Variants in KLHL20 observed in about 807,000 individuals in gnomAD.
KLHL20 encodes kelch like family member 20.
KLHL20 carries 29 observed loss-of-function variants against 69.5 expected under a neutral mutation model. That is an observed-to-expected ratio of 0.42 (90% CI 0.31 to 0.57). The LOEUF is 0.57. KLHL20 is among the 20% of genes least tolerant of loss of function. The probability of loss-of-function intolerance (pLI) is 0.18; values close to 1 mark genes in which losing one functional copy is unlikely to be tolerated. For synonymous variants in KLHL20, 253 were observed against 265.2 expected (o/e 0.95, Z 0.45); for missense variants, 419 against 776.0 (o/e 0.54, Z 5.47).
At chr1:173,733,677 C>A in intron 2 of KLHL20, 36 bp from the exon 3 acceptor site, 1 of 1,432,276 alleles carries the variant, frequency 7.0e-7, no homozygotes, top group Non-Finnish European at 9.6e-7. Flanking sequence ...TATAATAATA[C>A]TGCCATCTTC....
chr1:173,755,128 G>A (rs1397625333), intron 5 of KLHL20, among the ~76,000 whole-genome samples: 1 of 147,132 alleles, frequency 6.8e-6, no homozygotes, highest in African/African-American at 2.5e-5. Flanking sequence ...GTGCAATCTC[G>A]ACTCACTGCA....
rs570568199 is a variant in KLHL20 at position 173,757,117 on chromosome 1, T to C, written c.1109T>C (p.Val370Ala). 2 of 1,613,562 alleles carry C rather than the reference T, an allele frequency of 1.2e-6. No homozygotes were observed. The highest frequency in any genetic ancestry group is 1.7e-6 in the Non-Finnish European group (2 of 1,179,656). ...GTTCTTGATGATCTGTTATATGCAG[T>C]AGGAGGCCATGATGGATCCTCTTAT... The part of the protein sequence containing the change: ...VSVLDDLLYA[V>A]GGHDGSSYLN... Residue 370 changes from valine (V) to alanine (A), a missense_variant, in exon 7 of 12, where the codon GTA becomes GCA. Transcript: ENST00000209884.
At chr1:173,758,922 C>T (rs1329527829) in intron 7 of KLHL20, among the ~76,000 whole-genome samples, 2 of 152,186 alleles carry the variant, frequency 1.3e-5, no homozygotes, top group African/African-American at 4.8e-5. Flanking sequence ...ACTTCACCGG[C>T]AGGGGGAAAA....
chr1:173,782,201 A>C lies in KLHL20; in HGVS notation c.1716A>C (p.Glu572Asp). The C allele has an allele frequency of 1.2e-6, 2 of 1,614,012 alleles. No individual in the cohort carries two copies. Among genetic ancestry groups the C allele is most frequent in the East Asian group, 4.5e-5 (2 of 44,868 alleles). Residue 572 changes from glutamate to aspartate, a missense_variant, in exon 11 of 12, where the codon GAA becomes GAC. Transcript: ENST00000209884. ...GCACAACATACTTGAAGACCATAGA[A>C]GTTTTTGATCCTGATGCCAATACAT... Reference protein sequence around the residue: ...FDGTTYLKTIEVFDPDANTWR... With the variant: ...FDGTTYLKTIDVFDPDANTWR...
At chr1:173,779,034 T>G (rs911485342) in intron 10 of KLHL20, among the ~76,000 whole-genome samples, 2 of 152,148 alleles carry the variant, frequency 1.3e-5, no homozygotes, top group East Asian at 3.8e-4. Flanking sequence ...TGCATTGTTA[T>G]GTTATTTGAA....
intron 2 of KLHL20, among the ~76,000 whole-genome samples, chr1:173,728,012 C>T (rs1304065551): frequency 1.3e-5 from 2 of 152,130 alleles, no homozygotes; most frequent in Admixed American, 6.6e-5. Flanking sequence ...ACCCATCTCA[C>T]GTGCAGAGAC....
At chr1:173,719,501 C>T (rs1184913717) in intron 2 of KLHL20, among the ~76,000 whole-genome samples, 1 of 152,012 alleles carries the variant, frequency 6.6e-6, no homozygotes, top group Non-Finnish European at 1.5e-5. Context: ...GTCCCAGCTA[C>T]AGTGCCAGTC....
chr1:173,776,458 G>A (rs772473578), intron 10 of KLHL20, among the ~76,000 whole-genome samples: 6 of 151,948 alleles, frequency 3.9e-5, no homozygotes, highest in Non-Finnish European at 7.4e-5. Context: ...TTCTTTGGTT[G>A]CCTGTGCTTG....
chr1:173,766,079 G>C, intron 7 of KLHL20, 67 bp from the exon 8 acceptor site: 1 of 1,245,690 alleles, frequency 8.0e-7, no homozygotes, highest in Non-Finnish European at 1.1e-6. Flanking sequence ...CATGGATTTA[G>C]AATATGTAAA....
At chr1:173,756,835 T>G in intron 6 of KLHL20, 141 bp from the exon 7 acceptor site, 1 of 637,442 alleles carries the variant, frequency 1.6e-6, no homozygotes, top group South Asian at 2.4e-5. Context: ...GTGGAATGAG[T>G]TGAAGTCATA....
At chr1:173,755,361 A>C (rs1302661800) in intron 5 of KLHL20, among the ~76,000 whole-genome samples, 2 of 152,068 alleles carry the variant, frequency 1.3e-5, no homozygotes, top group African/African-American at 4.8e-5. Context: ...AAGTCATTAC[A>C]TGTGTAATTA....
chr1:173,747,708 T>A (rs1266107069), intron 3 of KLHL20, among the ~76,000 whole-genome samples: 2 of 152,032 alleles, frequency 1.3e-5, no homozygotes, highest in African/African-American at 4.8e-5. Context: ...CTGATTCAGT[T>A]ATATTTACTG....
Position 173,785,152 on chromosome 1 carries a change from T to C in KLHL20, c.1746-11T>C, listed in dbSNP as rs1234587080. On this transcript the variant is annotated splice_polypyrimidine_tract_variant and intron_variant, in intron 11 of 11. Transcript: ENST00000209884. ...CAGTTAGAAAATATGATTATGTTTC[T>C]TTCTTTGCAGGTTATATGGCGGGAT... 1 of 1,607,868 alleles carries C rather than the reference T, an allele frequency of 6.2e-7. No homozygotes were observed. Among genetic ancestry groups the C allele is most frequent in the Non-Finnish European group, 8.5e-7 (1 of 1,176,840 alleles).
intron 3 of KLHL20, among the ~76,000 whole-genome samples, chr1:173,748,415 T>G (rs1187630279): frequency 6.6e-6 from 1 of 152,130 alleles, no homozygotes; most frequent in African/African-American, 2.4e-5. Flanking sequence ...CAACAAAGTA[T>G]AAAAGGGGAA....
chr1:173,774,220 G>A (rs1648299981), intron 8 of KLHL20, 85 bp from the exon 9 acceptor site: 13 of 1,510,406 alleles, frequency 8.6e-6, no homozygotes, highest in Non-Finnish European at 1.2e-5. Flanking sequence ...CGTGTACTCA[G>A]TATATCGTTA....
chr1:173,775,091 G>A (rs1327700545), intron 9 of KLHL20, among the ~76,000 whole-genome samples: 3 of 152,154 alleles, frequency 2.0e-5, no homozygotes, highest in Non-Finnish European at 4.4e-5. Context: ...AATTATAAGT[G>A]TGAGCCACTG....
chr1:173,726,469 C>T (rs987151433), intron 2 of KLHL20, among the ~76,000 whole-genome samples: 10 of 152,178 alleles, frequency 6.6e-5, no homozygotes, highest in Non-Finnish European at 1.2e-4. Flanking sequence ...GGTCCCTGAC[C>T]CCCAAGTAGC....
At chr1:173,733,592 T>G in intron 2 of KLHL20, 121 bp from the exon 3 acceptor site, 1 of 925,080 alleles carries the variant, frequency 1.1e-6, no homozygotes, top group African/African-American at 1.7e-5. Flanking sequence ...TACAAAAAAT[T>G]TAAAAAAAAA....
chr1:173,743,114 A>C (rs1486040066), intron 3 of KLHL20, among the ~76,000 whole-genome samples: 1 of 90,454 alleles, frequency 1.1e-5, no homozygotes, highest in African/African-American at 8.8e-5. Flanking sequence ...ATAATAAGGA[A>C]TGTGTAAAAA....
Sources: gnomAD v4.1 joint callset for allele counts (sites outside exome capture counted in the v4.1 genomes callset) on GRCh38, gnomAD v4.1.1 for gene constraint, MANE v1.5 for transcripts, NCBI Gene and HGNC (gene_info 2026-07-23, HGNC 2026-07-21) for gene names.